FBXO31: variants seen among roughly 807,000 people sequenced by gnomAD.
The protein encoded by FBXO31 is F-box only protein 31.
A neutral mutation model predicts 54.4 loss-of-function variants in FBXO31; 24 were observed. The ratio of observed to expected loss-of-function variants is 0.44; its 90% CI spans 0.32 to 0.62. The LOEUF is 0.62. Ranked by LOEUF, FBXO31 falls within the 20% of genes least tolerant of loss-of-function variation. The pLI is 0.05. For synonymous variants in FBXO31, 388 were observed against 335.6 expected, an observed-to-expected ratio of 1.16 and a Z score of -1.71; for missense variants, 665 against 787.1, an observed-to-expected ratio of 0.84 and a Z score of 1.86.
Position 87,346,850 on chromosome 16 carries a change from T to A in FBXO31, c.489+324A>T, listed in dbSNP as rs191490612. On this transcript the variant is annotated intron_variant, in intron 3 of 8. Transcript: ENST00000311635. The surrounding 1 kb of genome is among the most constrained non-coding windows in gnomAD (Gnocchi z 4.2). ...GGCAAAGACCAGGAACGGAAGGACCTGGCTGAGGGCGGGCTCCAGACCCCG... is the reference window on the plus strand; with the variant it reads ...GGCAAAGACCAGGAACGGAAGGACCAGGCTGAGGGCGGGCTCCAGACCCCG... Among the ~76,000 whole-genome samples, 5 of 152,248 alleles carry A rather than the reference T, an allele frequency of 3.3e-5. No individual in the cohort carries two copies. In the East Asian group the frequency reaches 9.7e-4, roughly 29 times the overall value.
intron 2 of FBXO31, among the ~76,000 whole-genome samples, chr16:87,355,187 C>T (rs924404770): frequency 6.6e-6 from 1 of 152,114 alleles, no homozygotes; most frequent in South Asian, 2.1e-4. Flanking sequence ...GCAAGACCCC[C>T]ATCTCTATCA....
At chr16:87,390,184 G>A (rs1270745384), upstream of FBXO31, among the ~76,000 whole-genome samples, 1 of 152,130 alleles carries the variant, frequency 6.6e-6, no homozygotes, top group East Asian at 1.9e-4. Context: ...GGGAGGCTGA[G>A]GCAGGAGAAT....
chr16:87,376,079 C>T (rs1906812610), intron 1 of FBXO31, among the ~76,000 whole-genome samples: 1 of 152,008 alleles, frequency 6.6e-6, no homozygotes, highest in African/African-American at 2.4e-5. Context: ...CCAGTGTATT[C>T]CCCCTGCCCT....
rs778498261 is a variant in FBXO31, at chr16:87,333,970, G to A, written c.1313C>T (p.Ala438Val). The change falls in exon 8 of 9, where the codon GCC (alanine) becomes GTC (valine). Residue 438 changes from alanine (A) to valine (V), a missense_variant. By Grantham distance (64) the Ala-to-Val change is moderately conservative (BLOSUM62 0). This residue lies in a region of FBXO31 where 165 missense variants were observed against 159.7 expected (regional missense o/e 1.03). Transcript: ENST00000311635. ...GDAVAAAEQP[A>V]QCGQGQPFVL... ...GAACGGCTGCCCCTGCCCACACTGG[G>A]CAGGCTGCTCGGCCGCAGCTACGGC... 4 of 1,612,648 alleles carry A rather than the reference G, an allele frequency of 2.5e-6. No individual in the cohort carries two copies. Among genetic ancestry groups the A allele is most frequent in the Non-Finnish European group, 3.4e-6 (4 of 1,179,832 alleles).
chr16:87,360,590 A>T (rs1175023737), intron 1 of FBXO31, among the ~76,000 whole-genome samples: 1 of 152,238 alleles, frequency 6.6e-6, no homozygotes, highest in Non-Finnish European at 1.5e-5. Context: ...ACCCTTTACA[A>T]AATAATAATC....
At chr16:87,372,732 C>CTTT (rs540984671) in intron 1 of FBXO31, among the ~76,000 whole-genome samples, 2 of 129,730 alleles carry the variant, frequency 1.5e-5, no homozygotes, top group Non-Finnish European at 1.6e-5. Flanking sequence ...GGTTAATTTC[C>CTTT]TTTTTTTTTT....
Position 87,345,490 on chromosome 16 carries a change from C to G in FBXO31, c.489+1684G>C, listed in dbSNP as rs1370187563. Among the ~76,000 whole-genome samples the G allele has an allele frequency of 1.3e-5, 2 of 152,180 alleles. No homozygotes were observed. Among genetic ancestry groups the G allele is most frequent in the Non-Finnish European group, 2.9e-5 (2 of 68,034 alleles). On this transcript the variant is annotated intron_variant, in intron 3 of 8. Coordinates refer to ENST00000311635, the MANE Select transcript of FBXO31 (RefSeq NM_024735.5). The surrounding 1 kb of genome is among the most constrained non-coding windows in gnomAD (Gnocchi z 4.9). ...TACCAAGAAAAGTCAGACAACTTCACTGTGTTGAATGAGCAGCTACTTTTC... is the reference window on the plus strand; with the variant it reads ...TACCAAGAAAAGTCAGACAACTTCAGTGTGTTGAATGAGCAGCTACTTTTC...
At chr16:87,364,631 C>T (rs1906277301) in intron 1 of FBXO31, among the ~76,000 whole-genome samples, 1 of 152,180 alleles carries the variant, frequency 6.6e-6, no homozygotes, top group Non-Finnish European at 1.5e-5. Flanking sequence ...GGCCACAGCC[C>T]TCCAGAATGC....
At chr16:87,347,342 G>C (rs1410750166) in intron 2 of FBXO31, 92 bp from the exon 3 acceptor site, 1 of 1,091,168 alleles carries the variant, frequency 9.2e-7, no homozygotes, top group Non-Finnish European at 1.4e-6. Context: ...GAACCATGAG[G>C]ACTCACAAAA....
intron 8 of FBXO31, among the ~76,000 whole-genome samples, chr16:87,333,225 C>A (rs1904924534): frequency 6.6e-6 from 1 of 150,378 alleles, no homozygotes; most frequent in Admixed American, 6.6e-5. Context: ...GCTGTGCAAG[C>A]CTCGTCCCAT....
rs1567614136 is a variant in FBXO31 at position 87,337,000 on chromosome 16, AC to A, written c.733-737del. Among the ~76,000 whole-genome samples, 1 of 152,210 alleles carries A rather than the reference AC, an allele frequency of 6.6e-6. No homozygotes were observed. Among genetic ancestry groups the A allele is most frequent in the Admixed American group, 6.5e-5 (1 of 15,280 alleles). ...TCTGAAAGGGACGCATAAGCAACTC[AC>A]AAAAAAGAGGAAACACGATGGTCAA... On this transcript the variant is annotated intron_variant, in intron 5 of 8. Transcript: ENST00000311635. The surrounding 1 kb of genome is among the most constrained non-coding windows in gnomAD (Gnocchi z 6.5).
chr16:87,383,312 C>G lies in FBXO31; in HGVS notation c.340+93G>C, dbSNP rs1907166733. 1 of 1,220,462 alleles carries G rather than the reference C, an allele frequency of 8.2e-7. No homozygotes were observed. The highest frequency in any genetic ancestry group is 1.1e-6 in the Non-Finnish European group (1 of 919,420). 75.6% of individuals were successfully genotyped at this position (1,220,462 alleles called of 1,614,324 possible). ...CCCGCGCCCAACTGGTGGCCCCCGG[C>G]CGGGGCCACCGCCCCCGCCACTCCC... On this transcript the variant is annotated intron_variant, in intron 1 of 8. Coordinates refer to ENST00000311635, the MANE Select transcript of FBXO31 (RefSeq NM_024735.5). The surrounding 1 kb of genome is among the most constrained non-coding windows in gnomAD (Gnocchi z 4.9).
chr16:87,372,506 A>T (rs1167334417), intron 1 of FBXO31, among the ~76,000 whole-genome samples: 24 of 152,160 alleles, frequency 1.6e-4, no homozygotes. Context: ...CCCGCCACCC[A>T]TTCCATCAGA....
intron 1 of FBXO31, among the ~76,000 whole-genome samples, chr16:87,377,766 C>A (rs1906886819): frequency 6.6e-6 from 1 of 151,200 alleles, no homozygotes; most frequent in African/African-American, 2.4e-5. Context: ...GAGGTTGAGG[C>A]TGTAGTGAGC....
Position 87,383,590 on chromosome 16 carries a change from C to G in FBXO31, c.155G>C (p.Gly52Ala), listed in dbSNP as rs1287065770. Residue 52 changes from glycine (G) to alanine (A), a missense_variant, in exon 1 of 9, where the codon GGC (glycine) becomes GCC (alanine). Coordinates refer to ENST00000311635, the MANE Select transcript of FBXO31 (RefSeq NM_024735.5). This position sits in a 1 kb window ranked among gnomAD's most constrained non-coding sequence, Gnocchi z 4.9. ...ERIEASAGVGGGLCAGPSPPP... is the reference protein window; with the variant it reads ...ERIEASAGVGAGLCAGPSPPP... ...CGGCGAGGGGCCCGCGCACAAGCCG[C>G]CCCCGACCCCGGCGCTAGCCTCGAT... is the stretch of plus-strand genomic sequence containing the variant. 1 of 1,479,728 alleles carries G rather than the reference C, an allele frequency of 6.8e-7. No individual in the cohort carries two copies. Among genetic ancestry groups the G allele is most frequent in the African/African-American group, 1.5e-5 (1 of 68,326 alleles). 91.7% of individuals were successfully genotyped at this position (1,479,728 alleles called of 1,614,324 possible). A position where few individuals can be genotyped will look rare whatever the true frequency, so the allele number is the denominator to read the frequency against.
chr16:87,348,413 G>A (rs1029519433), intron 2 of FBXO31, among the ~76,000 whole-genome samples: 1 of 152,224 alleles, frequency 6.6e-6, no homozygotes, highest in Non-Finnish European at 1.5e-5. Context: ...TCAAGAGAAA[G>A]CAGTGAGCGT....
In FBXO31 at chr16:87,328,774, T is replaced by C. The variant is rs1904737222; in HGVS notation, c.*2514A>G. ...AGAGTGAGACAGCGACAGAAAGGCATCCGTGGTGCAAAAGATGGAGAGTCC... is the reference window on the plus strand; with the variant it reads ...AGAGTGAGACAGCGACAGAAAGGCACCCGTGGTGCAAAAGATGGAGAGTCC... On this transcript the variant is annotated 3_prime_UTR_variant, in exon 9 of 9. Coordinates refer to ENST00000311635, the MANE Select transcript of FBXO31 (RefSeq NM_024735.5). 1 of 152,290 alleles carries C rather than the reference T, an allele frequency of 6.6e-6. No homozygotes were observed. The highest frequency in any genetic ancestry group is 2.4e-5 in the African/African-American group (1 of 41,432). 9.4% of individuals were successfully genotyped at this position (152,290 alleles called of 1,614,324 possible). A position where few individuals can be genotyped will look rare whatever the true frequency, so the allele number is the denominator to read the frequency against.
Position 87,346,958 on chromosome 16 carries a change from G to A in FBXO31, c.489+216C>T, listed in dbSNP as rs1385665985. ...CCCTCAGACCAGAGAGTCCAAGGAC[G>A]GGCCACAAGGCCGAAGTGTTGCTCT... On this transcript the variant is annotated intron_variant, in intron 3 of 8. Coordinates refer to ENST00000311635, the MANE Select transcript of FBXO31 (RefSeq NM_024735.5). This position sits in a 1 kb window ranked among gnomAD's most constrained non-coding sequence, Gnocchi z 4.2. Among the ~76,000 whole-genome samples the A allele has an allele frequency of 2.0e-5, 3 of 152,356 alleles. No individual in the cohort carries two copies. The highest frequency in any genetic ancestry group is 1.9e-4 in the East Asian group (1 of 5,184).
rs1485014515 is a variant in FBXO31, at chr16:87,335,656, T to C, written c.843-199A>G. The stretch of plus-strand genomic sequence containing the variant: ...CCCCACCACCCACCAGCACGCACGC[T>C]TCCAACAGGACTTCTGGGGTTAAGG... On this transcript the variant is annotated intron_variant, in intron 6 of 8. Transcript: ENST00000311635. This position sits in a 1 kb window ranked among gnomAD's most constrained non-coding sequence, Gnocchi z 5.7. Among the ~76,000 whole-genome samples, 1 of 152,132 alleles carries C rather than the reference T, an allele frequency of 6.6e-6. No individual in the cohort carries two copies. Among genetic ancestry groups the C allele is most frequent in the African/African-American group, 2.4e-5 (1 of 41,422 alleles).
Sources: gnomAD v4.1 joint callset for allele counts (sites outside exome capture counted in the v4.1 genomes callset) on GRCh38, gnomAD v4.1.1 for gene constraint, gnomAD v4.1.1 regional missense constraint, Gnocchi (gnomAD v3.1) non-coding constraint, MANE v1.5 for transcripts, NCBI Gene and HGNC (gene_info 2026-07-23, HGNC 2026-07-21) for gene names.